Variants in FSTL4 observed in about 807,000 individuals in gnomAD.
FSTL4 encodes follistatin like 4, also known as follistatin-related protein 4.
FSTL4 carries 28 observed loss-of-function variants against 78.2 expected under a neutral mutation model. The ratio of observed to expected loss-of-function variants is 0.36; its 90% CI spans 0.27 to 0.49. The LOEUF is 0.49. Among genes scored for constraint, FSTL4 ranks in the 20% least tolerant of loss-of-function variants. FSTL4 has a pLI of 0.98. For missense variants in FSTL4, 922 were observed against 1,084.9 expected, an observed-to-expected ratio of 0.85 and a Z score of 2.11; for synonymous variants, 422 against 440.5, an observed-to-expected ratio of 0.96 and a Z score of 0.53.
chr5:133,810,923 T>A, the FSTL4 span, among the ~76,000 whole-genome samples: 4 of 152,234 alleles, frequency 2.6e-5, no homozygotes, highest in Admixed American at 1.3e-4. Context: ...TCCAGCTTGC[T>A]TGTCTATGCT....
At chr5:133,616,530 T>C (rs1197392123), upstream of FSTL4, among the ~76,000 whole-genome samples, 1 of 151,928 alleles carries the variant, frequency 6.6e-6, no homozygotes, top group Non-Finnish European at 1.5e-5. Flanking sequence ...AGCCTCCCAA[T>C]AGCTGGGACT....
the FSTL4 span, among the ~76,000 whole-genome samples, chr5:133,794,135 CA>C: frequency 6.6e-6 from 1 of 150,462 alleles, no homozygotes. Flanking sequence ...GATGCACTGC[CA>C]TTCTGGGCTG....
intron 6 of FSTL4, among the ~76,000 whole-genome samples, chr5:133,257,194 C>T (rs1442484883): frequency 6.6e-6 from 1 of 152,218 alleles, no homozygotes; most frequent in Non-Finnish European, 1.5e-5. Flanking sequence ...GCAAGAAAAA[C>T]AGGCCCAGTG....
intron 3 of FSTL4, among the ~76,000 whole-genome samples, chr5:133,497,161 C>T (rs1247420779): frequency 1.3e-5 from 2 of 152,210 alleles, no homozygotes; most frequent in Admixed American, 1.3e-4. Context: ...ATGGGTCTAC[C>T]ACAGCATTAG....
chr5:133,232,505 T>A (rs575040310), intron 8 of FSTL4, among the ~76,000 whole-genome samples: 1 of 152,222 alleles, frequency 6.6e-6, no homozygotes, highest in African/African-American at 2.4e-5. Flanking sequence ...TAAATTTGGC[T>A]TGAGTTACAC....
At chr5:133,321,151 GTA>G (rs1442873958) in intron 4 of FSTL4, among the ~76,000 whole-genome samples, 2 of 152,182 alleles carry the variant, frequency 1.3e-5, no homozygotes, top group Non-Finnish European at 2.9e-5. Context: ...GAGGTGGGGG[GTA>G]TGGGGGGACC....
At chr5:133,628,634 A>G in the FSTL4 span, among the ~76,000 whole-genome samples, 1 of 152,162 alleles carries the variant, frequency 6.6e-6, no homozygotes, top group Admixed American at 6.6e-5. Context: ...TGCTGGGGTT[A>G]TAGGTGTGAG....
the FSTL4 span, among the ~76,000 whole-genome samples, chr5:133,665,656 GAGA>G: frequency 0.064 from 9,721 of 152,216 alleles, 420 homozygotes; most frequent in South Asian, 0.11. Context: ...TCTGTGCCTG[GAGA>G]AGAAGGAGGC....
chr5:133,773,240 A>G, the FSTL4 span, among the ~76,000 whole-genome samples: 1 of 151,574 alleles, frequency 6.6e-6, no homozygotes, highest in African/African-American at 2.4e-5. Flanking sequence ...AAGTACTACA[A>G]AATAAGTTCA....
chr5:133,609,027 C>CAAA (rs1398127064), intron 1 of FSTL4, among the ~76,000 whole-genome samples: 1 of 152,176 alleles, frequency 6.6e-6, no homozygotes, highest in African/African-American at 2.4e-5. Flanking sequence ...TTCTGGCCCT[C>CAAA]AGAGTTTCGG....
At chr5:133,264,430 G>A (rs1752600465) in intron 6 of FSTL4, among the ~76,000 whole-genome samples, 1 of 152,068 alleles carries the variant, frequency 6.6e-6, no homozygotes, top group Non-Finnish European at 1.5e-5. Flanking sequence ...TCCTCATCCT[G>A]AGCTCGACAA....
At chr5:133,746,150 C>T in the FSTL4 span, among the ~76,000 whole-genome samples, 5,031 of 152,250 alleles carry the variant, frequency 0.033, 275 homozygotes, top group African/African-American at 0.12. Context: ...CCTTGAAAAC[C>T]TCACAATGAG....
At chr5:133,443,997 C>T (rs1295628314) in intron 3 of FSTL4, among the ~76,000 whole-genome samples, 1 of 152,186 alleles carries the variant, frequency 6.6e-6, no homozygotes, top group East Asian at 1.9e-4. Flanking sequence ...CCTATATGCT[C>T]CTACACACCC....
chr5:133,258,380 A>G (rs957550957), intron 6 of FSTL4, among the ~76,000 whole-genome samples: 1 of 152,192 alleles, frequency 6.6e-6, no homozygotes, highest in African/African-American at 2.4e-5. Context: ...CTCCCCAATG[A>G]GGGCAGGCCT....
At chr5:133,662,109 T>C in the FSTL4 span, among the ~76,000 whole-genome samples, 1 of 152,200 alleles carries the variant, frequency 6.6e-6, no homozygotes, top group South Asian at 2.1e-4. Flanking sequence ...AGCCAGTACA[T>C]TTTTACTTCT....
the FSTL4 span, among the ~76,000 whole-genome samples, chr5:133,675,516 C>T: frequency 2.6e-5 from 4 of 152,198 alleles, no homozygotes; most frequent in African/African-American, 9.7e-5. Context: ...CACCAGTGCC[C>T]ACAGGGGTGT....
At position 133,204,281 on chromosome 5, in the gene FSTL4, G is replaced by A. The variant is rs550480075; in HGVS notation, c.1717-2239C>T. Among the ~76,000 whole-genome samples the A allele has an allele frequency of 6.2e-3, 944 of 152,300 alleles. 3 individuals are homozygous for A. Among genetic ancestry groups the A allele is most frequent in the Middle Eastern group, 0.02 (6 of 294 alleles). On this transcript the variant is annotated intron_variant, in intron 14 of 15. Coordinates refer to ENST00000265342, the MANE Select transcript of FSTL4 (RefSeq NM_015082.2). The stretch of plus-strand genomic sequence containing the variant: ...CTTCCAAACCTGGGTGCTGAGGGCG[G>A]CTTTGGTGGAGGGAGCCTCATTTGT...
the FSTL4 span, among the ~76,000 whole-genome samples, chr5:133,698,019 T>G: frequency 1.3e-5 from 2 of 152,200 alleles, no homozygotes; most frequent in African/African-American, 4.8e-5. Context: ...GAGGGCAGAT[T>G]CTTTTTTCCC....
chr5:133,645,421 G>C, the FSTL4 span, among the ~76,000 whole-genome samples: 2 of 152,186 alleles, frequency 1.3e-5, no homozygotes, highest in Non-Finnish European at 2.9e-5. Context: ...CCCAAGGTCA[G>C]GCATTTCTAA....
Sources: gnomAD v4.1 joint callset for allele counts (sites outside exome capture counted in the v4.1 genomes callset) on GRCh38, gnomAD v4.1.1 for gene constraint, MANE v1.5 for transcripts, NCBI Gene and HGNC (gene_info 2026-07-23, HGNC 2026-07-21) for gene names.